Variants in FAN1 observed in about 807,000 individuals in gnomAD.
FAN1 encodes the protein FANCD2 and FANCI associated nuclease 1, also known as fanconi-associated nuclease 1.
In FAN1, 91 loss-of-function variants were observed where a neutral mutation model predicts 104.9. The ratio of observed to expected loss-of-function variants is 0.87; its 90% confidence interval spans 0.73 to 1.03. FAN1 has a LOEUF of 1.03. Among genes scored for constraint, FAN1 ranks in the 50% least tolerant of loss-of-function variants. The pLI is 0.00. For synonymous variants in FAN1, 478 were observed against 457.6 expected (o/e 1.04, Z -0.57); for missense variants, 1,263 against 1,239.9 (o/e 1.02, Z -0.28).
At chr15:30,927,971 A>C (rs961867598) in intron 10 of FAN1, 1 of 985,642 alleles carries the variant, frequency 1.0e-6, no homozygotes, top group Non-Finnish European at 1.2e-6. Flanking sequence ...GGTGATCTTT[A>C]AGGCCAGATG....
rs1468564763 is a variant in FAN1, at chr15:30,913,776, T to C, written c.1578-82T>C. The C allele has an allele frequency of 6.5e-6, 6 of 929,438 alleles. No individual in the cohort carries two copies. The African/African-American group carries it at 1.0e-4, about 15-fold the overall frequency. 57.6% of individuals were successfully genotyped at this position (929,438 alleles called of 1,614,324 possible). A position where few individuals can be genotyped will look rare whatever the true frequency, so the allele number is the denominator to read the frequency against. Reference sequence around the variant, plus strand: ...AAATAGTGAATGTCATTTCTCTTTATTTTAGATGAAAATAATTTGTAAAAT... The same window carrying C: ...AAATAGTGAATGTCATTTCTCTTTACTTTAGATGAAAATAATTTGTAAAAT... On this transcript the variant is annotated intron_variant, in intron 4 of 14. Coordinates refer to ENST00000362065, the MANE Select transcript of FAN1 (RefSeq NM_014967.5).
At chr15:30,940,627 G>GC in intron 14 of FAN1, 3 of 985,928 alleles carry the variant, frequency 3.0e-6, no homozygotes, top group Non-Finnish European at 3.6e-6. Flanking sequence ...CCTGTCTACA[G>GC]CATACACCTC....
At position 30,937,194 on chromosome 15, in the gene FAN1, G is replaced by A; in HGVS notation, c.2992G>A (p.Gly998Arg). 1.2e-6 allele frequency: 2 copies of A among 1,614,148 alleles called. No homozygotes were observed. Among genetic ancestry groups the A allele is most frequent in the Non-Finnish European group, 1.7e-6 (2 of 1,180,010 alleles). Reference protein sequence around the residue: ...MIWLAELQKLGAEVEVCHVVA... With the variant: ...MIWLAELQKLRAEVEVCHVVA... ...CTGGCTGGCTGAACTGCAGAAGCTG[G>A]GGGCTGAAGTAGAAGTCTGCCATGT... The change falls in exon 14 of 15, where the codon GGG (glycine) becomes AGG (arginine). Residue 998 changes from glycine (G) to arginine (R), a missense_variant. This residue lies in a region of FAN1 where 581 missense variants were observed against 668.8 expected (regional missense o/e 0.87). Coordinates refer to ENST00000362065, the MANE Select transcript of FAN1 (RefSeq NM_014967.5).
chr15:30,927,886 C>T, intron 10 of FAN1: 4 of 985,742 alleles, frequency 4.1e-6, no homozygotes, highest in Non-Finnish European at 4.8e-6. Context: ...GTGACCTCAG[C>T]ACCTGACTTC....
chr15:30,928,374 C>A, intron 10 of FAN1, 179 bp from the exon 11 acceptor site: 3 of 1,424,216 alleles, frequency 2.1e-6, no homozygotes, highest in Non-Finnish European at 1.8e-6. Context: ...AAACAACATA[C>A]TGTATAAAAT....
chr15:30,904,510 A>G lies in FAN1; in HGVS notation c.-152-2A>G. ...TTAATTTATATGTGTTTCTTCTTGT[A>G]GGAAGAAGAAATTGTCGAGACGAAT... On this transcript the variant is annotated splice_acceptor_variant, in intron 1 of 14. Transcript: ENST00000362065. LOFTEE classifies it low-confidence loss of function (5UTR_SPLICE). The G allele has an allele frequency of 1.3e-6, 1 of 790,104 alleles. No homozygotes were observed. The highest frequency in any genetic ancestry group is 3.3e-4 in the Middle Eastern group (1 of 3,002). The allele number at this position is 790,104 out of a possible 1,614,324, so 48.9% of individuals were successfully genotyped here. A position where few individuals can be genotyped will look rare whatever the true frequency, so the allele number is the denominator to read the frequency against.
intron 10 of FAN1, chr15:30,927,860 C>A (rs917607133): frequency 3.9e-5 from 38 of 985,580 alleles, no homozygotes; most frequent in Non-Finnish European, 4.5e-5. Flanking sequence ...CCACACCAGA[C>A]CCTGCCTCTG....
Position 30,910,600 on chromosome 15 carries a change from T to C in FAN1, c.1376-14T>C. On this transcript the variant is annotated splice_polypyrimidine_tract_variant and intron_variant, in intron 3 of 14. Transcript: ENST00000362065. ...AGTAAAATTTAAAAAAACTTTTTTT[T>C]TTAACCATTTCAGAATCTGAGTTGC... is the stretch of plus-strand genomic sequence containing the variant. The C allele has an allele frequency of 6.7e-7, 1 of 1,498,578 alleles. No homozygotes were observed. The highest frequency in any genetic ancestry group is 2.2e-5 in the Admixed American group (1 of 44,582). 92.8% of individuals were successfully genotyped at this position (1,498,578 alleles called of 1,614,324 possible).
chr15:30,912,541 C>A (rs2062120352), intron 4 of FAN1, among the ~76,000 whole-genome samples: 1 of 152,154 alleles, frequency 6.6e-6, no homozygotes, highest in African/African-American at 2.4e-5. Flanking sequence ...GCTCTCAGTT[C>A]AGTGGTGGTG....
Position 30,904,683 on chromosome 15 carries a change from C to T in FAN1, c.20C>T (p.Pro7Leu). The stretch of plus-strand genomic sequence containing the variant: ...ATACTCATGATGTCAGAAGGGAAAC[C>T]TCCTGACAAAAAAAGGCCTCGTAGA... MMSEGK[P>L]PDKKRPRRSL... Residue 7 changes from proline to leucine, a missense_variant, in exon 2 of 15, where the codon CCT becomes CTT. Physicochemically the swap from Pro to Leu is moderately conservative, Grantham distance 98. Around this residue, in one of 2 missense-constraint regions of FAN1, gnomAD observed 682 missense variants for 571.1 expected, o/e 1.19. Coordinates refer to ENST00000362065, the MANE Select transcript of FAN1 (RefSeq NM_014967.5). 1 of 1,605,314 alleles carries T rather than the reference C, an allele frequency of 6.2e-7. No individual in the cohort carries two copies. Among genetic ancestry groups the T allele is most frequent in the Non-Finnish European group, 8.5e-7 (1 of 1,175,968 alleles).
intron 9 of FAN1, 77 bp from the exon 10 acceptor site, chr15:30,925,712 C>T (rs1193323001): frequency 1.3e-6 from 2 of 1,528,372 alleles, no homozygotes; most frequent in African/African-American, 1.4e-5. Flanking sequence ...GAGGTCAATC[C>T]TCACGATGCT....
At chr15:30,910,876 C>T (rs542149631) in intron 4 of FAN1, 61 bp downstream of exon 4, 1 of 1,544,700 alleles carries the variant, frequency 6.5e-7, no homozygotes, top group Non-Finnish European at 8.8e-7. Flanking sequence ...TATTAACTTA[C>T]AGTAGATTGT....
chr15:30,904,966 G>T lies in FAN1; in HGVS notation c.303G>T (p.Lys101Asn). The T allele has an allele frequency of 6.2e-7, 1 of 1,613,964 alleles. No individual in the cohort carries two copies. The highest frequency in any genetic ancestry group is 8.5e-7 in the Non-Finnish European group (1 of 1,180,000). The part of the protein sequence containing the change: ...SVTLEDVTPK[K>N]SPPPKTNLTP... ...CCTTAGAAGATGTAACACCTAAGAA[G>T]TCACCACCACCAAAGACAAATTTAA... The change falls in exon 2 of 15, where the codon AAG (lysine) becomes AAT (asparagine). Residue 101 changes from lysine (K) to asparagine (N), a missense_variant. Physicochemically the swap from Lys to Asn is moderately conservative, Grantham distance 94. This residue lies in a region of FAN1 where 682 missense variants were observed against 571.1 expected (regional missense o/e 1.19). Transcript: ENST00000362065.
At chr15:30,941,154 T>TG (rs979712282) in intron 14 of FAN1, 2 of 1,234,458 alleles carry the variant, frequency 1.6e-6, no homozygotes, top group African/African-American at 4.3e-5. Context: ...CTAATGTGAC[T>TG]GACTATCAGA....
intron 12 of FAN1, among the ~76,000 whole-genome samples, chr15:30,930,128 C>T (rs568509684): frequency 8.0e-4 from 121 of 150,700 alleles, no homozygotes; most frequent in African/African-American, 2.9e-3. Flanking sequence ...GTTAGAAAAG[C>T]CCCAGCTGTG....
chr15:30,904,350 A>ATAC (rs1360122157), intron 1 of FAN1, among the ~76,000 whole-genome samples, 162 bp from the exon 2 acceptor site: 3 of 152,148 alleles, frequency 2.0e-5, no homozygotes, highest in Admixed American at 6.5e-5. Flanking sequence ...AAGGGACACT[A>ATAC]AGATCGCGTA....
rs190610489 is a variant in FAN1 at position 30,925,398 on chromosome 15, C to T, written c.2337+107C>T. On this transcript the variant is annotated intron_variant, in intron 9 of 14. Transcript: ENST00000362065. Reference sequence around the variant, plus strand: ...TTGAGTGTGTGTTTTCTTTTAGACTCGGAATAATCTAAAACTCGTTTTGGA... The same window carrying T: ...TTGAGTGTGTGTTTTCTTTTAGACTTGGAATAATCTAAAACTCGTTTTGGA... The T allele has an allele frequency of 4.9e-5, 54 of 1,092,144 alleles. No individual in the cohort carries two copies. In the East Asian group the frequency reaches 6.9e-4, roughly 14 times the overall value. The allele number at this position is 1,092,144 out of a possible 1,614,324, so 67.7% of individuals were successfully genotyped here.
chr15:30,925,091 T>C, intron 8 of FAN1, 36 bp from the exon 9 acceptor site: 1 of 1,564,736 alleles, frequency 6.4e-7, no homozygotes, highest in Non-Finnish European at 8.7e-7. Context: ...CATGGGTTTT[T>C]TTAGGAGCCT....
chr15:30,938,183 C>CAA lies in FAN1; in HGVS notation c.*3+936_*3+937dup, dbSNP rs202231365. Among the ~76,000 whole-genome samples, 14 of 133,020 alleles carry CAA rather than the reference C, an allele frequency of 1.1e-4. No individual in the cohort carries two copies. In the South Asian group the frequency reaches 1.2e-3, roughly 11 times the overall value. The allele number at this position is 133,020 out of a possible 152,430, so 87.3% of individuals were successfully genotyped here. A position where few individuals can be genotyped will look rare whatever the true frequency, so the allele number is the denominator to read the frequency against. On this transcript the variant is annotated intron_variant, in intron 14 of 14. Transcript: ENST00000362065. ...TGGGAGACAGAGCGAGACTCTGTCT[C>CAA]AAAAAAAAAAAAATTTAAAAACTAG...
Sources: allele counts gnomAD v4.1 joint callset (sites outside exome capture counted in the v4.1 genomes callset), GRCh38; gene constraint gnomAD v4.1.1; regional missense constraint gnomAD v4.1.1; transcripts MANE v1.5; gene names NCBI Gene and HGNC (gene_info 2026-07-23, HGNC 2026-07-21).